Variants in PCDHGA6 observed in about 807,000 individuals in gnomAD.
PCDHGA6 encodes the protein protocadherin gamma-A6.
In PCDHGA6, 41 loss-of-function variants were observed where a neutral mutation model predicts 60.6. That is an observed-to-expected ratio of 0.68 (90% CI 0.53 to 0.88). The LOEUF (loss-of-function observed/expected upper bound fraction) is 0.88, where lower values mean the gene tolerates loss of function less well. Ranked by LOEUF, PCDHGA6 falls within the 40% of genes least tolerant of loss-of-function variation. The probability of loss-of-function intolerance (pLI) is 0.00; values close to 1 mark genes in which losing one functional copy is unlikely to be tolerated. For missense variants in PCDHGA6, 1,312 were observed against 1,203.0 expected, an observed-to-expected ratio of 1.09 and a Z score of -1.34; for synonymous variants, 594 against 524.4, an observed-to-expected ratio of 1.13 and a Z score of -1.81.
rs545147450 is a variant in PCDHGA6 at position 141,380,989 on chromosome 5, A to C, written c.2424+4482A>C. On this transcript the variant is annotated intron_variant, in intron 1 of 3. Transcript: ENST00000517434. ...TATTAAACAAATAGAATTTAACTCC[A>C]GTTTACAGAATTCATCTATAATACC... is the stretch of plus-strand genomic sequence containing the variant. Among the ~76,000 whole-genome samples, 4 of 152,258 alleles carry C rather than the reference A, an allele frequency of 2.6e-5. No homozygotes were observed. In the South Asian group the frequency reaches 8.3e-4, roughly 32 times the overall value.
chr5:141,418,597 G>T, intron 1 of PCDHGA6: 7 of 1,614,052 alleles, frequency 4.3e-6, no homozygotes, highest in South Asian at 1.1e-5. Flanking sequence ...GCCAGGACGT[G>T]TACAGGGTTA....
At chr5:141,395,578 G>A (rs2093281923) in intron 1 of PCDHGA6, 1 of 227,714 alleles carries the variant, frequency 4.4e-6, no homozygotes, top group East Asian at 9.3e-5. Flanking sequence ...GTGTGTGTGT[G>A]TGTGTGTGTG....
Position 141,476,023 on chromosome 5 carries a change from G to A in PCDHGA6, c.2425-18784G>A. 1 of 1,415,690 alleles carries A rather than the reference G, an allele frequency of 7.1e-7. No homozygotes were observed. The highest frequency in any genetic ancestry group is 2.3e-5 in the Admixed American group (1 of 43,980). 87.7% of individuals were successfully genotyped at this position (1,415,690 alleles called of 1,614,324 possible). A position where few individuals can be genotyped will look rare whatever the true frequency, so the allele number is the denominator to read the frequency against. ...CATCCAGAAAGCCATGTCGGACTCG[G>A]CGCCCAGCGCCCAAGCGCTAACCCG... On this transcript the variant is annotated intron_variant, in intron 1 of 3. Coordinates refer to ENST00000517434, the MANE Select transcript of PCDHGA6 (RefSeq NM_018919.3). This position sits in a 1 kb window ranked among gnomAD's most constrained non-coding sequence, Gnocchi z 7.6.
chr5:141,419,069 C>G, intron 1 of PCDHGA6: 1 of 1,613,912 alleles, frequency 6.2e-7, no homozygotes, highest in Admixed American at 1.7e-5. Context: ...TTACTACAAG[C>G]TAGTAACAGA....
At chr5:141,418,917 C>T in intron 1 of PCDHGA6, 1 of 1,613,988 alleles carries the variant, frequency 6.2e-7, no homozygotes, top group Non-Finnish European at 8.5e-7. Context: ...ACGTCACTCT[C>T]TGATCAGATT....
chr5:141,418,330 A>C (rs1346623372), intron 1 of PCDHGA6: 2 of 1,613,922 alleles, frequency 1.2e-6, no homozygotes, highest in Admixed American at 1.7e-5. Flanking sequence ...TTGAGTCTGC[A>C]GAAGATCCTG....
chr5:141,424,365 T>A (rs933291305), intron 1 of PCDHGA6: 7 of 152,246 alleles, frequency 4.6e-5, no homozygotes, highest in African/African-American at 1.7e-4. Context: ...TAGATCACAT[T>A]TTTTCTTAAG....
intron 1 of PCDHGA6, chr5:141,383,906 C>T (rs1779578930): frequency 6.2e-7 from 1 of 1,613,814 alleles, no homozygotes; most frequent in African/African-American, 1.3e-5. Flanking sequence ...GTACTGATCA[C>T]AGTTTTAGAT....
Position 141,376,073 on chromosome 5 carries a change from G to T in PCDHGA6, c.1990G>T (p.Val664Leu). Reference sequence around the variant, plus strand: ...CGCCACTGTCACGCTCACCGTGGCCGTGGCCGACAGGATCCCCGACATCCT... The same window carrying T: ...CGCCACTGTCACGCTCACCGTGGCCTTGGCCGACAGGATCCCCGACATCCT... ...LSATVTLTVA[V>L]ADRIPDILAD... Residue 664 changes from valine to leucine, a missense_variant, in exon 1 of 4, where the codon GTG becomes TTG. Physicochemically the swap from Val to Leu is conservative, Grantham distance 32. Transcript: ENST00000517434. 3.7e-6 allele frequency: 6 copies of T among 1,613,508 alleles called. No individual in the cohort carries two copies. The highest frequency in any genetic ancestry group is 1.1e-5 in the South Asian group (1 of 91,058).
In PCDHGA6 at chr5:141,491,244, T is replaced by G. The variant is rs754328211; in HGVS notation, c.2425-3563T>G. The G allele has an allele frequency of 6.2e-6, 10 of 1,614,092 alleles. No homozygotes were observed. The South Asian group carries it at 1.1e-4, about 18-fold the overall frequency. ...CCACAGTGCTGCTGGTTCTGGAGGA[T>G]GAGGACCCTGAGGAAATGCCCAAAT... On this transcript the variant is annotated intron_variant, in intron 1 of 3. Transcript: ENST00000517434. This position sits in a 1 kb window ranked among gnomAD's most constrained non-coding sequence, Gnocchi z 6.9.
chr5:141,443,251 C>T (rs200319609), intron 1 of PCDHGA6, among the ~76,000 whole-genome samples: 7 of 150,782 alleles, frequency 4.6e-5, no homozygotes, highest in East Asian at 3.9e-4. Flanking sequence ...GGCGCCAAGG[C>T]GGGTGGATCA....
At chr5:141,505,361 A>G (rs2099845711) in intron 2 of PCDHGA6, 32 bp from the exon 3 acceptor site, 1 of 1,613,910 alleles carries the variant, frequency 6.2e-7, no homozygotes, top group South Asian at 1.1e-5. Context: ...CCGGCCTGGG[A>G]GTCTGTGCTC....
chr5:141,388,843 G>C (rs750672396), intron 1 of PCDHGA6: 1 of 1,614,002 alleles, frequency 6.2e-7, no homozygotes, highest in Admixed American at 1.7e-5. Flanking sequence ...TTGGAAGCAA[G>C]GGACGGTGGA....
intron 1 of PCDHGA6, chr5:141,410,254 C>T: frequency 3.1e-6 from 5 of 1,614,020 alleles, no homozygotes; most frequent in Non-Finnish European, 3.4e-6. Flanking sequence ...TCTCTGACCC[C>T]CAGGCTGAAC....
At chr5:141,427,957 C>A in intron 1 of PCDHGA6, 2 of 1,588,400 alleles carry the variant, frequency 1.3e-6, no homozygotes, top group Non-Finnish European at 1.7e-6. Flanking sequence ...GACAATGTGC[C>A]GCGGGTGCTG....
chr5:141,408,533 G>A, intron 1 of PCDHGA6: 1 of 1,614,056 alleles, frequency 6.2e-7, no homozygotes, highest in Non-Finnish European at 8.5e-7. Flanking sequence ...AGCTGTGGTG[G>A]AAAATCCTTT....
In PCDHGA6 at chr5:141,511,540, C is replaced by CTA; in HGVS notation, c.*367_*368insTA. ...ATCCCATGCCTCCCTCCTCCCCACC[C>CTA]CACTCCAACAGTTCCTCTTTCCCGA... On this transcript the variant is annotated 3_prime_UTR_variant, in exon 4 of 4. Transcript: ENST00000517434. 3.0e-6 allele frequency: 1 copy of CTA among 328,024 alleles called. No individual in the cohort carries two copies. Among genetic ancestry groups the CTA allele is most frequent in the South Asian group, 3.2e-5 (1 of 31,610 alleles). 20.3% of individuals were successfully genotyped at this position (328,024 alleles called of 1,614,324 possible). A position where few individuals can be genotyped will look rare whatever the true frequency, so the allele number is the denominator to read the frequency against.
chr5:141,477,804 A>G lies in PCDHGA6; in HGVS notation c.2425-17003A>G. The G allele has an allele frequency of 6.2e-7, 1 of 1,614,088 alleles. No individual in the cohort carries two copies. ...ATATTTGTCACTGATCGCAATGACA[A>G]TGCCCCCCAGGTCCTATATCCTCGG... On this transcript the variant is annotated intron_variant, in intron 1 of 3. Transcript: ENST00000517434. The surrounding 1 kb of genome is among the most constrained non-coding windows in gnomAD (Gnocchi z 4.9).
At chr5:141,392,691 AC>A in intron 1 of PCDHGA6, 1 of 1,132,688 alleles carries the variant, frequency 8.8e-7, no homozygotes, top group Non-Finnish European at 1.2e-6. Context: ...GCGAAACCCG[AC>A]CCCTGTTTGG....
Sources: gnomAD v4.1 joint callset for allele counts (sites outside exome capture counted in the v4.1 genomes callset) on GRCh38, gnomAD v4.1.1 for gene constraint, Gnocchi (gnomAD v3.1) non-coding constraint, MANE v1.5 for transcripts, NCBI Gene and HGNC (gene_info 2026-07-23, HGNC 2026-07-21) for gene names.